SPTBN2: variants seen among roughly 807,000 people sequenced by gnomAD.
SPTBN2 encodes the protein spectrin beta, non-erythrocytic 2.
A neutral mutation model predicts 284.2 loss-of-function variants in SPTBN2; 107 were observed. That is an observed-to-expected ratio of 0.38 (90% CI 0.32 to 0.44). The LOEUF (loss-of-function observed/expected upper bound fraction) is 0.44. SPTBN2 is among the 20% of genes least tolerant of loss of function. SPTBN2 has a pLI of 1.00. For synonymous variants in SPTBN2, 1,289 were observed against 1,354.8 expected (o/e 0.95, Z 1.07); for missense variants, 2,569 against 3,287.1 (o/e 0.78, Z 5.34).
rs553527137 is a variant in SPTBN2 at position 66,698,594 on chromosome 11, C to T, written c.4014+45G>A. The T allele has an allele frequency of 3.1e-6, 5 of 1,613,352 alleles. No homozygotes were observed. In the East Asian group the frequency reaches 1.1e-4, roughly 36 times the overall value. On this transcript the variant is annotated intron_variant, in intron 20 of 37. Coordinates refer to ENST00000533211, the MANE Select transcript of SPTBN2 (RefSeq NM_006946.4). The stretch of plus-strand genomic sequence containing the variant: ...TCCTGGAGCCAGGCCCTCCCCCGTA[C>T]CATGGGGGACTCTGCCCAGAGGCAG...
chr11:66,700,768 G>T lies in SPTBN2; in HGVS notation c.3331C>A (p.Arg1111=). ...EALLAQHAAL[R]GEVERAQSEY... is the part of the protein sequence containing the mutation. ...CTCTGGGCCCGCTCCACCTCTCCCC[G>T]CAGGGCTGCATGTTGGGCCAGGAGG... The change falls in exon 17 of 38, where the codon CGG becomes AGG. Residue 1111 remains arginine (R), a synonymous_variant. Coordinates refer to ENST00000533211, the MANE Select transcript of SPTBN2 (RefSeq NM_006946.4). The surrounding 1 kb of genome is among the most constrained non-coding windows in gnomAD (Gnocchi z 6.6). 6.2e-7 allele frequency: 1 copy of T among 1,601,934 alleles called. No homozygotes were observed. The highest frequency in any genetic ancestry group is 8.5e-7 in the Non-Finnish European group (1 of 1,179,732).
chr11:66,721,114 A>C lies in SPTBN2; in HGVS notation c.127T>G (p.Phe43Val). ...AGAGCCTTAATGCGAGACCTCTCAA[A>C]GAGGCGGGCCGAGCTGCTGTCATTG... ...WDNDSSSARLFERSRIKALAD... is the reference protein window; with the variant it reads ...WDNDSSSARLVERSRIKALAD... Residue 43 changes from phenylalanine to valine, a missense_variant, in exon 3 of 38, where the codon TTT becomes GTT. Phe to Val is a conservative substitution (Grantham distance 50, BLOSUM62 -1). Transcript: ENST00000533211. 6.2e-7 allele frequency: 1 copy of C among 1,614,096 alleles called. No homozygotes were observed. The highest frequency in any genetic ancestry group is 8.5e-7 in the Non-Finnish European group (1 of 1,180,012).
chr11:66,722,062 T>G (rs1942430116), intron 1 of SPTBN2, among the ~76,000 whole-genome samples: 1 of 152,112 alleles, frequency 6.6e-6, no homozygotes, highest in Non-Finnish European at 1.5e-5. Flanking sequence ...CCAGGAAGAC[T>G]GACACACTGT....
chr11:66,700,970 C>T lies in SPTBN2; in HGVS notation c.3129G>A (p.Val1043=). 6.2e-7 allele frequency: 1 copy of T among 1,606,432 alleles called. No individual in the cohort carries two copies. The highest frequency in any genetic ancestry group is 8.5e-7 in the Non-Finnish European group (1 of 1,179,856). ...CCCTGAGGTCCTCCCAGCCGGTCTG[C>T]ACCTCTCTCAGCCGGGCGTTGATGG... The part of the protein sequence containing the change: ...AVAINARLRE[V]QTGWEDLRAT... The change falls in exon 17 of 38, where the codon GTG becomes GTA. Residue 1043 remains valine, a synonymous_variant. Transcript: ENST00000533211. The surrounding 1 kb of genome is among the most constrained non-coding windows in gnomAD (Gnocchi z 6.6).
At chr11:66,701,891 G>C (rs1237077490) in intron 15 of SPTBN2, among the ~76,000 whole-genome samples, 170 bp from the exon 16 acceptor site, 2 of 151,942 alleles carry the variant, frequency 1.3e-5, no homozygotes, top group African/African-American at 2.4e-5. Flanking sequence ...TGTGCATCAA[G>C]GAAGGAACCC....
rs746994330 is a variant in SPTBN2 at position 66,708,290 on chromosome 11, G to A, written c.1201C>T (p.Arg401Trp). Residue 401 changes from arginine (R) to tryptophan (W), a missense_variant, in exon 12 of 38, where the codon CGG (arginine) becomes TGG (tryptophan). Transcript: ENST00000533211. This position sits in a 1 kb window ranked among gnomAD's most constrained non-coding sequence, Gnocchi z 4.4. ...CGCTCGTGCTCCGCCTTCTCCAGCC[G>A]CTCCCAAGCCTATGGGGTGGGGACA... ...LISDINKAWE[R>W]LEKAEHEREL... 12 of 1,593,804 alleles carry A rather than the reference G, an allele frequency of 7.5e-6. No individual in the cohort carries two copies. Among genetic ancestry groups the A allele is most frequent in the Middle Eastern group, 1.9e-4 (1 of 5,322 alleles).
At chr11:66,714,029 T>C (rs1590966755) in intron 7 of SPTBN2, 62 bp downstream of exon 7, 5 of 1,527,500 alleles carry the variant, frequency 3.3e-6, no homozygotes, top group Non-Finnish European at 4.5e-6. Context: ...TCTCCACATG[T>C]GCACCCCAGG....
At chr11:66,697,105 T>C (rs994774355) in intron 20 of SPTBN2, among the ~76,000 whole-genome samples, 1 of 152,174 alleles carries the variant, frequency 6.6e-6, no homozygotes, top group Non-Finnish European at 1.5e-5. Context: ...CACAGCATCC[T>C]TGTGCCGTGG....
At chr11:66,686,237 G>C (rs769679642) in intron 37 of SPTBN2, 133 bp from the exon 38 acceptor site, 1 of 1,377,276 alleles carries the variant, frequency 7.3e-7, no homozygotes, top group Non-Finnish European at 1.0e-6. Flanking sequence ...AATGTGGCCG[G>C]CTTAGACAGG....
chr11:66,702,290 C>T (rs773587452), intron 15 of SPTBN2, among the ~76,000 whole-genome samples: 43 of 152,140 alleles, frequency 2.8e-4, no homozygotes, highest in Non-Finnish European at 4.1e-4. Flanking sequence ...CTCCGCTTCC[C>T]GAATAGCTGG....
At chr11:66,698,559 A>C in intron 20 of SPTBN2, 80 bp downstream of exon 20, 1 of 1,606,712 alleles carries the variant, frequency 6.2e-7, no homozygotes, top group Non-Finnish European at 8.5e-7. Flanking sequence ...TAACCATGAC[A>C]AAAACCACGT....
At position 66,688,857 on chromosome 11, in the gene SPTBN2, G is replaced by T. The variant is rs563517115; in HGVS notation, c.6035-8C>A. On this transcript the variant is annotated splice_region_variant and splice_polypyrimidine_tract_variant and intron_variant, in intron 30 of 37. Coordinates refer to ENST00000533211, the MANE Select transcript of SPTBN2 (RefSeq NM_006946.4). ...ACACAAGCACCTCCAAAACTGGCAG[G>T]ATCGGGGGTTGCAGGAAGATGGTGG... The T allele has an allele frequency of 3.1e-6, 5 of 1,610,900 alleles. No homozygotes were observed. The South Asian group carries it at 3.3e-5, about 11-fold the overall frequency.
In SPTBN2 at chr11:66,687,572, C is replaced by G. The variant is rs1235776885; in HGVS notation, c.6577G>C (p.Ala2193Pro). The G allele has an allele frequency of 6.2e-7, 1 of 1,611,576 alleles. No individual in the cohort carries two copies. The highest frequency in any genetic ancestry group is 1.3e-5 in the African/African-American group (1 of 74,886). ...QTRTRGPAPS[A>P]MPQSRSTESA... The stretch of plus-strand genomic sequence containing the variant: ...TCGGTAGACCTGCTCTGGGGCATTG[C>G]AGATGGGGCCGGGCCCCGAGTCCGG... Residue 2193 changes from alanine (A) to proline (P), a missense_variant, in exon 35 of 38, where the codon GCA (alanine) becomes CCA (proline). By Grantham distance (27) the Ala-to-Pro change is conservative. Coordinates refer to ENST00000533211, the MANE Select transcript of SPTBN2 (RefSeq NM_006946.4). This position sits in a 1 kb window ranked among gnomAD's most constrained non-coding sequence, Gnocchi z 5.2.
In SPTBN2 at chr11:66,701,705, G is replaced by C; in HGVS notation, c.2695C>G (p.Pro899Ala). 1 of 1,614,028 alleles carries C rather than the reference G, an allele frequency of 6.2e-7. No individual in the cohort carries two copies. The highest frequency in any genetic ancestry group is 8.5e-7 in the Non-Finnish European group (1 of 1,180,016). Residue 899 changes from proline (P) to alanine (A), a missense_variant, in exon 16 of 38, where the codon CCT becomes GCT. Transcript: ENST00000533211. The stretch of plus-strand genomic sequence containing the variant: ...TGTGCTGCAAGGGTGTTCATTTCAG[G>C]CTCCAGGGTCTCGAACCTGAGAGGG... ...VVQQRFETLE[P>A]EMNTLAAQIT...
Position 66,698,613 on chromosome 11 carries a change from G to C in SPTBN2, c.4014+26C>G, listed in dbSNP as rs772348511. ...CCCGTACCATGGGGGACTCTGCCCA[G>C]AGGCAGCCCCCACAGCACTGCTCAC... On this transcript the variant is annotated intron_variant, in intron 20 of 37. Coordinates refer to ENST00000533211, the MANE Select transcript of SPTBN2 (RefSeq NM_006946.4). The C allele has an allele frequency of 5.6e-6, 9 of 1,613,880 alleles. No individual in the cohort carries two copies. In the East Asian group the frequency reaches 2.0e-4, roughly 36 times the overall value.
Position 66,700,269 on chromosome 11 carries a change from T to C in SPTBN2, c.3573+257A>G, listed in dbSNP as rs1941165215. Among the ~76,000 whole-genome samples the C allele has an allele frequency of 2.0e-5, 3 of 152,260 alleles. No individual in the cohort carries two copies. The highest frequency in any genetic ancestry group is 7.2e-5 in the African/African-American group (3 of 41,568). ...CCTGTCTGGCTCCCATTTTTCTTTT[T>C]AAAAAATTCTTCTATTTTCTTAAAA... On this transcript the variant is annotated intron_variant, in intron 17 of 37. Transcript: ENST00000533211. This position sits in a 1 kb window ranked among gnomAD's most constrained non-coding sequence, Gnocchi z 6.6.
chr11:66,742,392 C>T (rs1942901828), intron 1 of SPTBN2, among the ~76,000 whole-genome samples: 1 of 152,122 alleles, frequency 6.6e-6, no homozygotes, highest in African/African-American at 2.4e-5. Context: ...GGGAGGACAG[C>T]TGTGTCCCTG....
At position 66,689,185 on chromosome 11, in the gene SPTBN2, G is replaced by A. The variant is rs1385663131; in HGVS notation, c.5950-5C>T. 1 of 1,600,700 alleles carries A rather than the reference G, an allele frequency of 6.2e-7. No individual in the cohort carries two copies. The highest frequency in any genetic ancestry group is 8.5e-7 in the Non-Finnish European group (1 of 1,172,608). On this transcript the variant is annotated splice_region_variant and splice_polypyrimidine_tract_variant and intron_variant, in intron 29 of 37. Coordinates refer to ENST00000533211, the MANE Select transcript of SPTBN2 (RefSeq NM_006946.4). ...CTGAGACAGCTTCTCTGAGATCTGG[G>A]GGCGGGGGGCAGAGATATGAGTTAG...
Position 66,687,317 on chromosome 11 carries a change from C to G in SPTBN2, c.6722+110G>C. The G allele has an allele frequency of 1.3e-6, 2 of 1,553,106 alleles. No individual in the cohort carries two copies. The highest frequency in any genetic ancestry group is 1.8e-6 in the Non-Finnish European group (2 of 1,140,224). The stretch of plus-strand genomic sequence containing the variant: ...CTCCCCTGAGGCCCCGCTCTGGTCC[C>G]AAGTCCTACCCTTTGCCCAGAAGAT... On this transcript the variant is annotated intron_variant, in intron 35 of 37. Coordinates refer to ENST00000533211, the MANE Select transcript of SPTBN2 (RefSeq NM_006946.4). This position sits in a 1 kb window ranked among gnomAD's most constrained non-coding sequence, Gnocchi z 5.2.
Sources: allele counts gnomAD v4.1 joint callset (sites outside exome capture counted in the v4.1 genomes callset), GRCh38; gene constraint gnomAD v4.1.1; non-coding constraint Gnocchi (gnomAD v3.1); transcripts MANE v1.5; gene names NCBI Gene and HGNC (gene_info 2026-07-23, HGNC 2026-07-21).